The following CLCA2 variants were observed in gnomAD, a reference collection of about 807,000 sequenced individuals.
CLCA2 encodes chloride channel accessory 2.
In CLCA2, 85 loss-of-function variants were observed where a neutral mutation model predicts 82.9. The ratio of observed to expected loss-of-function variants is 1.03; its 90% CI spans 0.86 to 1.23. The LOEUF (loss-of-function observed/expected upper bound fraction) is 1.23, where lower values mean the gene tolerates loss of function less well. CLCA2 is among the 50% of genes most tolerant of loss of function. The pLI, the probability that CLCA2 is intolerant of heterozygous loss-of-function variation, is 0.00. For synonymous variants in CLCA2, 421 were observed against 391.7 expected (o/e 1.07, Z -0.88); for missense variants, 1,089 against 1,124.8 (o/e 0.97, Z 0.45).
In CLCA2 at chr1:86,443,801, T is replaced by C. The variant is rs751408541; in HGVS notation, c.1503T>C (p.Gly501=). The C allele has an allele frequency of 1.4e-4, 230 of 1,613,592 alleles. No homozygotes were observed. Among genetic ancestry groups the C allele is most frequent in the Non-Finnish European group, 1.8e-4 (213 of 1,179,648 alleles). ...FQQHIQLEST[G]ENVKPHHQLK... ...CTCTTTAACAGCTTGAAAGTACAGG[T>C]GAAAATGTCAAACCTCACCATCAAT... Residue 501 remains glycine, a synonymous_variant, in exon 10 of 14, where the codon GGT becomes GGC. Coordinates refer to ENST00000370565, the MANE Select transcript of CLCA2 (RefSeq NM_006536.7).
intron 12 of CLCA2, 54 bp from the exon 13 acceptor site, chr1:86,453,315 A>C: frequency 7.3e-7 from 1 of 1,371,538 alleles, no homozygotes. Flanking sequence ...AGAACAAGCT[A>C]TTCAGAAGCT....
chr1:86,440,900 C>T (rs1465494175), intron 8 of CLCA2, among the ~76,000 whole-genome samples: 1 of 151,718 alleles, frequency 6.6e-6, no homozygotes, highest in Non-Finnish European at 1.5e-5. Context: ...GACCCCATCT[C>T]AAAAAAGAAA....
intron 4 of CLCA2, 89 bp downstream of exon 4, chr1:86,431,059 A>G: frequency 1.1e-6 from 1 of 886,162 alleles, no homozygotes; most frequent in Non-Finnish European, 1.7e-6. Context: ...GCCTAATTTA[A>G]GCAATTAATT....
chr1:86,447,508 C>G lies in CLCA2; in HGVS notation c.1714C>G (p.Pro572Ala), dbSNP rs776704930. Residue 572 changes from proline to alanine, a missense_variant and splice_region_variant, in exon 11 of 14, where the codon CCT (proline) becomes GCT (alanine). Coordinates refer to ENST00000370565, the MANE Select transcript of CLCA2 (RefSeq NM_006536.7). ...CAAAACAATAAGACTTGTTTTACAGCCTGGGCACTGGACTTACACCCTGAA... is the reference window on the plus strand; with the variant it reads ...CAAAACAATAAGACTTGTTTTACAGGCTGGGCACTGGACTTACACCCTGAA... ...ASLWIPGTAK[P>A]GHWTYTLNNT... 3 of 1,612,750 alleles carry G rather than the reference C, an allele frequency of 1.9e-6. No individual in the cohort carries two copies. The highest frequency in any genetic ancestry group is 4.5e-5 in the East Asian group (2 of 44,838).
chr1:86,437,107 T>C (rs1662628360), intron 6 of CLCA2, among the ~76,000 whole-genome samples: 1 of 152,222 alleles, frequency 6.6e-6, no homozygotes, highest in Admixed American at 6.5e-5. Flanking sequence ...AAGATGATGG[T>C]ACTTGAGAGT....
intron 12 of CLCA2, 118 bp downstream of exon 12, chr1:86,450,851 C>A: frequency 1.2e-6 from 1 of 854,816 alleles, no homozygotes; most frequent in Non-Finnish European, 1.7e-6. Context: ...AAACTCTTTA[C>A]GCTTAAGTCC....
chr1:86,440,457 T>C (rs1662705370), intron 8 of CLCA2, 132 bp downstream of exon 8: 3 of 852,856 alleles, frequency 3.5e-6, no homozygotes, highest in Middle Eastern at 3.6e-4. Flanking sequence ...CACACACATA[T>C]TGCTAGAATC....
chr1:86,443,030 A>ATT (rs35038026), intron 9 of CLCA2, among the ~76,000 whole-genome samples: 11 of 146,914 alleles, frequency 7.5e-5, no homozygotes, highest in Non-Finnish European at 4.5e-5. Flanking sequence ...TGGCTAAATA[A>ATT]TTTTTTTTTT....
At chr1:86,425,499 A>T in intron 2 of CLCA2, 23 bp downstream of exon 2, 1 of 1,501,784 alleles carries the variant, frequency 6.7e-7, no homozygotes, top group Non-Finnish European at 8.9e-7. Context: ...GATTTCATTC[A>T]ATGATCTCAA....
At chr1:86,447,476 C>T in intron 10 of CLCA2, 32 bp from the exon 11 acceptor site, 2 of 1,571,140 alleles carry the variant, frequency 1.3e-6, no homozygotes, top group Non-Finnish European at 1.7e-6. Flanking sequence ...TTTTTTTTCA[C>T]ACTTTCCAAA....
At chr1:86,430,365 T>A (rs538773881) in intron 3 of CLCA2, among the ~76,000 whole-genome samples, 33 of 152,282 alleles carry the variant, frequency 2.2e-4, no homozygotes, top group African/African-American at 6.7e-4. Context: ...CCTTCCTCCT[T>A]CCCTAGCTCC....
chr1:86,441,205 A>G (rs1453304888), intron 8 of CLCA2, among the ~76,000 whole-genome samples: 1 of 152,142 alleles, frequency 6.6e-6, no homozygotes, highest in Non-Finnish European at 1.5e-5. Flanking sequence ...TGTACTGTAC[A>G]TAAGTTCTAG....
intron 6 of CLCA2, among the ~76,000 whole-genome samples, chr1:86,437,478 A>G (rs979597933): frequency 6.6e-6 from 1 of 152,218 alleles, no homozygotes; most frequent in African/African-American, 2.4e-5. Context: ...TCAATCTTGA[A>G]GGATTCAACT....
intron 3 of CLCA2, among the ~76,000 whole-genome samples, chr1:86,428,832 T>G (rs1376402410): frequency 6.6e-6 from 1 of 152,056 alleles, no homozygotes; most frequent in Non-Finnish European, 1.5e-5. Flanking sequence ...GTCAGAAATG[T>G]CCTCACAAAG....
At chr1:86,429,271 C>A (rs919808911) in intron 3 of CLCA2, among the ~76,000 whole-genome samples, 1 of 152,112 alleles carries the variant, frequency 6.6e-6, no homozygotes, top group African/African-American at 2.4e-5. Flanking sequence ...ATGCGCTAGC[C>A]GCTCTGTGGT....
intron 3 of CLCA2, 104 bp downstream of exon 3, chr1:86,428,672 G>A (rs1046421850): frequency 2.8e-5 from 38 of 1,333,558 alleles, no homozygotes; most frequent in Non-Finnish European, 3.7e-5. Flanking sequence ...ACTTGTCAAG[G>A]ACTTACCACT....
Position 86,428,464 on chromosome 1 carries a change from C to T in CLCA2, c.371C>T (p.Pro124Leu). Reference sequence around the variant, plus strand: ...TGGTATGGGGCACATGGAGATGATCCATACACCCTACAATACAGAGGGTGT... The same window carrying T: ...TGGTATGGGGCACATGGAGATGATCTATACACCCTACAATACAGAGGGTGT... ...TDWYGAHGDD[P>L]YTLQYRGCGK... The change falls in exon 3 of 14, where the codon CCA becomes CTA. Residue 124 changes from proline (P) to leucine (L), a missense_variant. Pro to Leu is a moderately conservative substitution (Grantham distance 98, BLOSUM62 -3). Transcript: ENST00000370565. The T allele has an allele frequency of 6.2e-7, 1 of 1,613,210 alleles. No homozygotes were observed. The highest frequency in any genetic ancestry group is 8.5e-7 in the Non-Finnish European group (1 of 1,179,510).
intron 4 of CLCA2, 60 bp downstream of exon 4, chr1:86,431,030 C>A: frequency 2.5e-6 from 3 of 1,190,698 alleles, no homozygotes; most frequent in South Asian, 1.4e-5. Flanking sequence ...TTGCTTATAA[C>A]TTAAGCAATT....
chr1:86,429,689 T>C (rs1260821115), intron 3 of CLCA2, among the ~76,000 whole-genome samples: 1 of 152,200 alleles, frequency 6.6e-6, no homozygotes, highest in Non-Finnish European at 1.5e-5. Flanking sequence ...TTATTTTTTG[T>C]TTTTGATTTA....
Sources: allele counts gnomAD v4.1 joint callset (sites outside exome capture counted in the v4.1 genomes callset), GRCh38; gene constraint gnomAD v4.1.1; transcripts MANE v1.5; gene names NCBI Gene and HGNC (gene_info 2026-07-23, HGNC 2026-07-21).